EPHB2: variants seen among roughly 807,000 people sequenced by gnomAD.
The protein encoded by EPHB2 is EPH receptor B2.
EPHB2 carries 18 observed loss-of-function variants against 96.4 expected under a neutral mutation model. The ratio of observed to expected loss-of-function variants is 0.19; its 90% CI spans 0.13 to 0.28. The LOEUF is 0.28. Among genes scored for constraint, EPHB2 ranks in the 10% least tolerant of loss-of-function variants. EPHB2 has a pLI of 1.00. For missense variants in EPHB2, 989 were observed against 1,355.4 expected (o/e 0.73, Z 4.25); for synonymous variants, 506 against 534.1 (o/e 0.95, Z 0.72).
chr1:22,866,044 C>T lies in EPHB2; in HGVS notation c.1303+832C>T, dbSNP rs577025256. Reference sequence around the variant, plus strand: ...TGGGCTCCTAGCCTCCCCTCTCTACCAGGACCACTGTCCTCAGTGTCATAG... The same window carrying T: ...TGGGCTCCTAGCCTCCCCTCTCTACTAGGACCACTGTCCTCAGTGTCATAG... On this transcript the variant is annotated intron_variant, in intron 5 of 15. Coordinates refer to ENST00000374630, the MANE Select transcript of EPHB2 (RefSeq NM_017449.5). Among the ~76,000 whole-genome samples the T allele has an allele frequency of 5.3e-5, 8 of 152,228 alleles. No individual in the cohort carries two copies. The South Asian group carries it at 1.7e-3, about 32-fold the overall frequency.
chr1:22,797,455 G>C (rs1442527989), intron 3 of EPHB2, among the ~76,000 whole-genome samples: 2 of 152,230 alleles, frequency 1.3e-5, no homozygotes, highest in Admixed American at 1.3e-4. Flanking sequence ...TTTGTGGCTA[G>C]TTCCTGTTCA....
intron 2 of EPHB2, among the ~76,000 whole-genome samples, chr1:22,783,550 G>A (rs1644564724): frequency 6.6e-6 from 1 of 152,212 alleles, no homozygotes; most frequent in African/African-American, 2.4e-5. Flanking sequence ...AGAGCCTGCT[G>A]CAGAGGAGAC....
chr1:22,907,691 A>G (rs1327659137), intron 11 of EPHB2, among the ~76,000 whole-genome samples: 2 of 152,252 alleles, frequency 1.3e-5, no homozygotes, highest in African/African-American at 4.8e-5. Context: ...GTATTAGGTC[A>G]CATGTCCAAG....
chr1:22,848,592 T>C (rs1250483989), intron 3 of EPHB2, among the ~76,000 whole-genome samples: 1 of 152,236 alleles, frequency 6.6e-6, no homozygotes, highest in East Asian at 1.9e-4. Flanking sequence ...CTTGTGCATT[T>C]GATTTATGGC....
chr1:22,791,243 G>A (rs1027802697), intron 3 of EPHB2, among the ~76,000 whole-genome samples: 3 of 151,926 alleles, frequency 2.0e-5, no homozygotes, highest in Admixed American at 2.0e-4. Context: ...TATCACAAAA[G>A]CAATGCAGGT....
intron 3 of EPHB2, among the ~76,000 whole-genome samples, chr1:22,841,012 A>G (rs1050320729): frequency 1.3e-5 from 2 of 152,200 alleles, no homozygotes; most frequent in African/African-American, 4.8e-5. Context: ...TGTCTGACAG[A>G]GGAGACTAAG....
intron 3 of EPHB2, among the ~76,000 whole-genome samples, chr1:22,800,796 ACT>A (rs1007988439): frequency 0.017 from 1,601 of 95,546 alleles, 16 homozygotes; most frequent in Non-Finnish European, 0.024. Flanking sequence ...ACACACACAC[ACT>A]CTCTCTCTCT....
At chr1:22,849,626 G>A (rs1465395220) in intron 3 of EPHB2, among the ~76,000 whole-genome samples, 1 of 152,206 alleles carries the variant, frequency 6.6e-6, no homozygotes, top group Non-Finnish European at 1.5e-5. Context: ...CCTGAGCAAG[G>A]CCTCAGTTTC....
intron 4 of EPHB2, among the ~76,000 whole-genome samples, chr1:22,864,257 G>A (rs1638389469): frequency 6.6e-6 from 1 of 151,978 alleles, no homozygotes; most frequent in Admixed American, 6.6e-5. Context: ...TGTTGGCCAG[G>A]CTGGTCTTGA....
Position 22,799,600 on chromosome 1 carries a change from G to A in EPHB2, c.811+14524G>A, listed in dbSNP as rs116840157. On this transcript the variant is annotated intron_variant, in intron 3 of 15. Coordinates refer to ENST00000374630, the MANE Select transcript of EPHB2 (RefSeq NM_017449.5). The stretch of plus-strand genomic sequence containing the variant: ...CTGTTTGACACAGCCTGGCCCCTGC[G>A]ATCTAAATGCTCGAAGTCATGACCA... Among the ~76,000 whole-genome samples the A allele has an allele frequency of 2.7e-3, 406 of 152,338 alleles. 1 individual carries two copies. Among genetic ancestry groups the A allele is most frequent in the African/African-American group, 9.2e-3 (381 of 41,580 alleles).
Position 22,863,125 on chromosome 1 carries a change from C to T in EPHB2, c.900C>T (p.Ala300=). 1 of 1,614,218 alleles carries T rather than the reference C, an allele frequency of 6.2e-7. No individual in the cohort carries two copies. The highest frequency in any genetic ancestry group is 1.6e-4 in the Middle Eastern group (1 of 6,062). The part of the protein sequence containing the change: ...PINSRTTSEG[A]TNCVCRNGYY... Reference sequence around the variant, plus strand: ...ACAGCCGGACCACTTCTGAAGGGGCCACCAACTGTGTCTGCCGCAATGGCT... The same window carrying T: ...ACAGCCGGACCACTTCTGAAGGGGCTACCAACTGTGTCTGCCGCAATGGCT... Residue 300 remains alanine, a synonymous_variant, in exon 4 of 16, where the codon GCC becomes GCT. Coordinates refer to ENST00000374630, the MANE Select transcript of EPHB2 (RefSeq NM_017449.5).
chr1:22,729,405 A>G (rs554130417), intron 1 of EPHB2, among the ~76,000 whole-genome samples: 1 of 152,352 alleles, frequency 6.6e-6, no homozygotes, highest in East Asian at 1.9e-4. Context: ...TCATGAATCA[A>G]GTCATGTTGT....
At chr1:22,803,443 C>A (rs1201068349) in intron 3 of EPHB2, among the ~76,000 whole-genome samples, 4 of 151,608 alleles carry the variant, frequency 2.6e-5, no homozygotes, top group Admixed American at 6.6e-5. Context: ...CCCATCTCTA[C>A]AAAAAAATTA....
intron 1 of EPHB2, among the ~76,000 whole-genome samples, chr1:22,752,079 CA>C (rs1644072354): frequency 6.6e-6 from 1 of 152,318 alleles, no homozygotes; most frequent in East Asian, 1.9e-4. Flanking sequence ...TTCATCTGTC[CA>C]GTGAAACCAT....
At chr1:22,894,557 A>AT (rs1639494183) in intron 7 of EPHB2, among the ~76,000 whole-genome samples, 1 of 151,388 alleles carries the variant, frequency 6.6e-6, no homozygotes, top group Non-Finnish European at 1.5e-5. Context: ...AGATCGTGCC[A>AT]TTTCACTCCA....
intron 5 of EPHB2, among the ~76,000 whole-genome samples, 191 bp from the exon 6 acceptor site, chr1:22,882,168 G>A (rs1639066693): frequency 6.6e-6 from 1 of 152,182 alleles, no homozygotes; most frequent in Admixed American, 6.5e-5. Flanking sequence ...GAGCTCAGCA[G>A]CAGCACCCAT....
At chr1:22,829,630 T>C (rs920852493) in intron 3 of EPHB2, among the ~76,000 whole-genome samples, 11 of 151,890 alleles carry the variant, frequency 7.2e-5, no homozygotes, top group Non-Finnish European at 1.6e-4. Flanking sequence ...ACTGGGGAGG[T>C]GGACGTGAAT....
At chr1:22,795,928 G>A (rs1290040564) in intron 3 of EPHB2, among the ~76,000 whole-genome samples, 2 of 152,112 alleles carry the variant, frequency 1.3e-5, no homozygotes, top group Admixed American at 6.5e-5. Flanking sequence ...CTCTTCACAC[G>A]AGCCACGTGT....
At chr1:22,834,506 C>A (rs1645351153) in intron 3 of EPHB2, among the ~76,000 whole-genome samples, 1 of 152,160 alleles carries the variant, frequency 6.6e-6, no homozygotes, top group South Asian at 2.1e-4. Flanking sequence ...AAAATTTTAG[C>A]CTTTGTGGGT....
Sources: gnomAD v4.1 joint callset for allele counts (sites outside exome capture counted in the v4.1 genomes callset) on GRCh38, gnomAD v4.1.1 for gene constraint, MANE v1.5 for transcripts, NCBI Gene and HGNC (gene_info 2026-07-23, HGNC 2026-07-21) for gene names.